MEMO1: variants seen among roughly 807,000 people sequenced by gnomAD.
MEMO1 encodes the protein protein MEMO1.
In MEMO1, 6 loss-of-function variants were observed where a neutral mutation model predicts 45.2. That is an observed-to-expected ratio of 0.13 (90% CI 0.07 to 0.26). The LOEUF (loss-of-function observed/expected upper bound fraction) is 0.26. Among genes scored for constraint, MEMO1 ranks in the 10% least tolerant of loss-of-function variants. The pLI is 1.00. For missense variants in MEMO1, 184 were observed against 370.5 expected, an observed-to-expected ratio of 0.50 and a Z score of 4.13; for synonymous variants, 78 against 124.3, an observed-to-expected ratio of 0.63 and a Z score of 2.48.
intron 5 of MEMO1, 128 bp downstream of exon 5, chr2:31,920,670 A>C (rs761961817): frequency 4.4e-6 from 2 of 450,196 alleles, no homozygotes; most frequent in Non-Finnish European, 7.5e-6. Flanking sequence ...TATGCAGATT[A>C]GTTATAACAA....
chr2:32,001,511 T>C (rs759264571), intron 2 of MEMO1, among the ~76,000 whole-genome samples: 55 of 152,324 alleles, frequency 3.6e-4, no homozygotes, highest in Non-Finnish European at 5.7e-4. Context: ...TAAAAAGATG[T>C]TTACTGATTC....
intron 2 of MEMO1, among the ~76,000 whole-genome samples, chr2:31,970,412 T>C (rs1045193777): frequency 1.3e-5 from 2 of 152,220 alleles, no homozygotes. Flanking sequence ...TCTAATTTAG[T>C]TGATCTCAGC....
intron 2 of MEMO1, among the ~76,000 whole-genome samples, chr2:32,007,205 G>C (rs1329039267): frequency 1.3e-5 from 2 of 151,914 alleles, no homozygotes; most frequent in African/African-American, 4.8e-5. Context: ...TTATTAAATT[G>C]AACTATTTAC....
intron 2 of MEMO1, among the ~76,000 whole-genome samples, chr2:31,986,450 C>A (rs1337027048): frequency 6.6e-6 from 1 of 151,890 alleles, no homozygotes; most frequent in Admixed American, 6.6e-5. Context: ...GCAGCCTGAG[C>A]GAAAGTGTGA....
intron 6 of MEMO1, among the ~76,000 whole-genome samples, chr2:31,913,101 C>A (rs759910677): frequency 6.6e-6 from 1 of 151,588 alleles, no homozygotes; most frequent in South Asian, 2.1e-4. Context: ...ACAAGGTCTA[C>A]TAAAAATACA....
chr2:31,953,366 CAA>C (rs1227298943), intron 2 of MEMO1, among the ~76,000 whole-genome samples: 3,483 of 72,464 alleles, frequency 0.048, 58 homozygotes, highest in African/African-American at 0.094. Context: ...AACTCCGTCT[CAA>C]AAAAAAAAAA....
At chr2:31,923,536 T>A in intron 4 of MEMO1, 1 of 1,268,666 alleles carries the variant, frequency 7.9e-7, no homozygotes, top group Non-Finnish European at 1.0e-6. Flanking sequence ...AGCACATAAA[T>A]AACATGACAC....
chr2:31,920,008 T>C (rs1170612185), intron 5 of MEMO1, among the ~76,000 whole-genome samples: 1 of 151,342 alleles, frequency 6.6e-6, no homozygotes, highest in African/African-American at 2.4e-5. Context: ...TTTGACTAAC[T>C]GAAAGGACAT....
At chr2:31,966,150 G>C (rs1446579514) in intron 2 of MEMO1, among the ~76,000 whole-genome samples, 1 of 152,080 alleles carries the variant, frequency 6.6e-6, no homozygotes, top group Non-Finnish European at 1.5e-5. Context: ...CAAAAAGTGA[G>C]AAAACTAGCA....
chr2:31,893,154 G>C (rs1677208867), intron 6 of MEMO1: 1 of 186,904 alleles, frequency 5.4e-6, no homozygotes, highest in Non-Finnish European at 1.2e-5. Flanking sequence ...AAAATACTAA[G>C]TTTAAATAAT....
intron 6 of MEMO1, among the ~76,000 whole-genome samples, chr2:31,895,668 A>G (rs969437970): frequency 1.1e-4 from 16 of 152,156 alleles, no homozygotes; most frequent in African/African-American, 3.9e-4. Flanking sequence ...GAAAGGGAAC[A>G]GTAAAAATAT....
At chr2:31,880,414 T>A (rs1160201465) in intron 8 of MEMO1, among the ~76,000 whole-genome samples, 2 of 152,222 alleles carry the variant, frequency 1.3e-5, no homozygotes, top group African/African-American at 2.4e-5. Context: ...AGTTTAAACA[T>A]GATAAACACA....
intron 6 of MEMO1, chr2:31,893,212 C>G (rs2147996477): frequency 2.5e-6 from 1 of 404,270 alleles, no homozygotes; most frequent in East Asian, 1.5e-4. Flanking sequence ...TTTAGGGCAC[C>G]CAAGCACCTC....
At chr2:31,995,622 G>A (rs529532328) in intron 2 of MEMO1, among the ~76,000 whole-genome samples, 2 of 151,730 alleles carry the variant, frequency 1.3e-5, no homozygotes, top group East Asian at 3.9e-4. Flanking sequence ...AAAAAGGGGG[G>A]GAACATTCTC....
chr2:31,870,462 TTTTAAA>T (rs1382905897), intron 8 of MEMO1, among the ~76,000 whole-genome samples: 1 of 152,194 alleles, frequency 6.6e-6, no homozygotes, highest in Non-Finnish European at 1.5e-5. Context: ...ATGTAAGGTA[TTTTAAA>T]TCACCAGCAT....
At chr2:31,954,714 A>G (rs1667212997) in intron 2 of MEMO1, among the ~76,000 whole-genome samples, 1 of 152,080 alleles carries the variant, frequency 6.6e-6, no homozygotes. Context: ...CATACTTGTA[A>G]TCTCAACTAC....
chr2:31,872,016 AACACAC>A (rs55682785), intron 8 of MEMO1, among the ~76,000 whole-genome samples: 3 of 143,218 alleles, frequency 2.1e-5, no homozygotes, highest in South Asian at 2.3e-4. Flanking sequence ...TCTGTCTCAA[AACACAC>A]ACACACACAC....
At chr2:31,972,814 A>G (rs573377964) in intron 2 of MEMO1, among the ~76,000 whole-genome samples, 6 of 152,220 alleles carry the variant, frequency 3.9e-5, no homozygotes, top group Non-Finnish European at 1.5e-5. Flanking sequence ...CTCAACAACA[A>G]AAGAGACAAC....
At position 31,892,048 on chromosome 2, in the gene MEMO1, T is replaced by G. The variant is rs1378703186; in HGVS notation, c.524A>C (p.Lys175Thr). The change falls in exon 7 of 10, where the codon AAA becomes ACA. Residue 175 changes from lysine to threonine, a missense_variant. Lys to Thr is a moderately conservative substitution (Grantham distance 78). Coordinates refer to ENST00000404530, the MANE Select transcript of MEMO1 (RefSeq NM_001301833.4). ...KEQEFGKLFS[K>T]YLADPSNLFV... ...GAGATTACTAGGATCCGCTAGATAT[T>G]TACTGAAGAGTTTTCCGAATTCCTG... 6.2e-7 allele frequency: 1 copy of G among 1,612,824 alleles called. No homozygotes were observed. Among genetic ancestry groups the G allele is most frequent in the East Asian group, 2.2e-5 (1 of 44,790 alleles).
Sources: allele counts gnomAD v4.1 joint callset (sites outside exome capture counted in the v4.1 genomes callset), GRCh38; gene constraint gnomAD v4.1.1; transcripts MANE v1.5; gene names NCBI Gene and HGNC (gene_info 2026-07-23, HGNC 2026-07-21).